Variants in DNAH14 observed in about 807,000 individuals in gnomAD.
DNAH14 encodes dynein axonemal heavy chain 14, also known as axonemal beta dynein heavy chain 14.
In DNAH14, 478 loss-of-function variants were observed where a neutral mutation model predicts 520.9. The observed-to-expected ratio is 0.92, with a 90% CI of 0.85 to 0.99. The LOEUF (loss-of-function observed/expected upper bound fraction) is 0.99. Among genes scored for constraint, DNAH14 ranks in the 50% least tolerant of loss-of-function variants. The pLI is 0.00. For synonymous variants in DNAH14, 1,581 were observed against 1,757.2 expected, an observed-to-expected ratio of 0.90 and a Z score of 2.51; for missense variants, 4,831 against 5,234.5, an observed-to-expected ratio of 0.92 and a Z score of 2.38.
intron 10 of DNAH14, among the ~76,000 whole-genome samples, chr1:225,009,922 T>C (rs2064560670): frequency 6.6e-6 from 1 of 152,234 alleles, no homozygotes; most frequent in Non-Finnish European, 1.5e-5. Context: ...ATAGGAACGC[T>C]TGTGATTTTT....
intron 36 of DNAH14, among the ~76,000 whole-genome samples, chr1:225,169,878 G>C (rs1010602348): frequency 1.3e-5 from 2 of 152,304 alleles, no homozygotes; most frequent in Middle Eastern, 3.4e-3. Context: ...AGAAAGGTCG[G>C]GTTACCCACA....
chr1:225,171,032 C>T (rs1470084884), intron 36 of DNAH14, among the ~76,000 whole-genome samples: 2 of 152,208 alleles, frequency 1.3e-5, no homozygotes, highest in Admixed American at 6.5e-5. Context: ...GGGTACATAA[C>T]GAAATGAAGG....
chr1:225,182,914 G>C (rs2084216429), intron 36 of DNAH14, among the ~76,000 whole-genome samples: 1 of 152,208 alleles, frequency 6.6e-6, no homozygotes, highest in Non-Finnish European at 1.5e-5. Flanking sequence ...GCAGGCCATA[G>C]TACAACAGTC....
intron 8 of DNAH14, among the ~76,000 whole-genome samples, chr1:224,996,931 C>T (rs749692377): frequency 2.6e-5 from 4 of 151,954 alleles, no homozygotes; most frequent in Admixed American, 6.6e-5. Flanking sequence ...TGTTATATTG[C>T]GCTGTGGTGG....
At chr1:225,354,781 T>G (rs890021939) in intron 73 of DNAH14, among the ~76,000 whole-genome samples, 22 of 152,296 alleles carry the variant, frequency 1.4e-4, no homozygotes, top group East Asian at 3.9e-4. Context: ...AAATCTCTCA[T>G]CTCATTTAAA....
chr1:224,964,598 A>T lies in DNAH14; in HGVS notation c.487A>T (p.Ile163Phe), dbSNP rs755026791. 4 of 1,599,026 alleles carry T rather than the reference A, an allele frequency of 2.5e-6. No individual in the cohort carries two copies. The East Asian group carries it at 9.0e-5, about 36-fold the overall frequency. Residue 163 changes from isoleucine (I) to phenylalanine (F), a missense_variant, in exon 5 of 86, where the codon ATT (isoleucine) becomes TTT (phenylalanine). By Grantham distance (21) the Ile-to-Phe change is conservative. Transcript: ENST00000682510. ...AAGCTCCAAAATTGCAATTCAGAAG[A>T]TTACTTTAAAGGTATTGTTCTATTT... ...YGSSKIAIQK[I>F]TLKKPLEDDG...
chr1:225,058,832 T>G (rs1230459644), intron 17 of DNAH14, among the ~76,000 whole-genome samples: 1 of 152,222 alleles, frequency 6.6e-6, no homozygotes, highest in Non-Finnish European at 1.5e-5. Flanking sequence ...TCCATGTGGT[T>G]GAGCGGTTTT....
At chr1:225,010,416 G>A (rs2064618996) in intron 10 of DNAH14, among the ~76,000 whole-genome samples, 1 of 152,024 alleles carries the variant, frequency 6.6e-6, no homozygotes, top group Non-Finnish European at 1.5e-5. Context: ...TGTGTATGTT[G>A]AACCAGCCTT....
chr1:225,028,013 T>G (rs1405479471), intron 11 of DNAH14, among the ~76,000 whole-genome samples: 1 of 152,132 alleles, frequency 6.6e-6, no homozygotes, highest in Non-Finnish European at 1.5e-5. Flanking sequence ...TTATCCTTTG[T>G]ATATGCTGCT....
At chr1:225,352,694 A>C (rs1479510829) in intron 72 of DNAH14, among the ~76,000 whole-genome samples, 1 of 151,950 alleles carries the variant, frequency 6.6e-6, no homozygotes, top group Non-Finnish European at 1.5e-5. Flanking sequence ...CTTTTGTCTT[A>C]TTATATGTAT....
chr1:224,945,045 G>C (rs910649135), intron 1 of DNAH14, among the ~76,000 whole-genome samples: 5 of 152,174 alleles, frequency 3.3e-5, no homozygotes, highest in Non-Finnish European at 5.9e-5. Context: ...GGCCTGCCTT[G>C]CTAGACTGGG....
chr1:225,161,092 T>C (rs1163904164), intron 35 of DNAH14, among the ~76,000 whole-genome samples: 1 of 152,184 alleles, frequency 6.6e-6, no homozygotes, highest in Non-Finnish European at 1.5e-5. Flanking sequence ...ATTCATCCTG[T>C]TGTGATGTCA....
chr1:225,279,883 C>A (rs2093587962), intron 54 of DNAH14, among the ~76,000 whole-genome samples: 1 of 150,574 alleles, frequency 6.6e-6, no homozygotes, highest in Non-Finnish European at 1.5e-5. Context: ...TGTAAATATA[C>A]TCAAAAAGCC....
At chr1:225,316,687 G>A (rs2094473214) in intron 60 of DNAH14, among the ~76,000 whole-genome samples, 1 of 152,072 alleles carries the variant, frequency 6.6e-6, no homozygotes, top group African/African-American at 2.4e-5. Flanking sequence ...TGCACCCACT[G>A]TCTAACCAGT....
intron 46 of DNAH14, 104 bp downstream of exon 46, chr1:225,259,357 A>G (rs1041419594): frequency 9.0e-5 from 74 of 823,392 alleles, no homozygotes; most frequent in Non-Finnish European, 1.2e-4. Flanking sequence ...TTATGTAAAA[A>G]TGCAGAATCA....
chr1:225,280,505 A>G (rs867696740), intron 54 of DNAH14, among the ~76,000 whole-genome samples: 39 of 152,130 alleles, frequency 2.6e-4, no homozygotes, highest in Non-Finnish European at 4.9e-4. Context: ...AGGCTGAGGC[A>G]GGAGAATGAT....
chr1:225,042,876 A>G lies in DNAH14; in HGVS notation c.1530A>G (p.Thr510=), dbSNP rs957927386. The G allele has an allele frequency of 1.9e-6, 3 of 1,551,492 alleles. No individual in the cohort carries two copies. Among genetic ancestry groups the G allele is most frequent in the South Asian group, 1.2e-5 (1 of 84,040 alleles). The change falls in exon 13 of 86, where the codon ACA becomes ACG. Residue 510 remains threonine (T), a synonymous_variant. Transcript: ENST00000682510. ...SVEVGKDLRK[T]YAPIFEVNLC... is the part of the protein sequence containing the mutation. Reference sequence around the variant, plus strand: ...AAGTGGGGAAGGATTTGAGAAAAACATATGCACCAATATTTGAAGTAAATC... The same window carrying G: ...AAGTGGGGAAGGATTTGAGAAAAACGTATGCACCAATATTTGAAGTAAATC...
intron 10 of DNAH14, among the ~76,000 whole-genome samples, chr1:225,010,602 G>T (rs1478473893): frequency 6.6e-6 from 1 of 152,056 alleles, no homozygotes; most frequent in Non-Finnish European, 1.5e-5. Flanking sequence ...GGATGATGCT[G>T]GCCTCAGAAA....
chr1:225,394,691 A>C (rs1029199689), intron 84 of DNAH14, among the ~76,000 whole-genome samples: 2 of 152,132 alleles, frequency 1.3e-5, no homozygotes, highest in African/African-American at 4.8e-5. Flanking sequence ...AAAAATACAA[A>C]AAATTAGCCA....
Sources: allele counts gnomAD v4.1 joint callset (sites outside exome capture counted in the v4.1 genomes callset), GRCh38; gene constraint gnomAD v4.1.1; transcripts MANE v1.5; gene names NCBI Gene and HGNC (gene_info 2026-07-23, HGNC 2026-07-21).